The following PCCA variants were observed in gnomAD, a reference collection of about 807,000 sequenced individuals.
PCCA encodes propionyl-CoA carboxylase subunit alpha, also known as propionyl-CoA carboxylase alpha chain, mitochondrial.
PCCA carries 74 observed loss-of-function variants against 101.3 expected under a neutral mutation model. The observed-to-expected ratio is 0.73, with a 90% CI of 0.61 to 0.89. The LOEUF (loss-of-function observed/expected upper bound fraction) is 0.89. Ranked by LOEUF, PCCA falls within the 40% of genes least tolerant of loss-of-function variation. The probability of loss-of-function intolerance (pLI) is 0.00; values close to 1 mark genes in which losing one functional copy is unlikely to be tolerated. For synonymous variants in PCCA, 294 were observed against 313.6 expected (o/e 0.94, Z 0.66); for missense variants, 891 against 907.0 (o/e 0.98, Z 0.23).
At chr13:100,263,840 A>G (rs2062700600) in intron 10 of PCCA, among the ~76,000 whole-genome samples, 1 of 115,570 alleles carries the variant, frequency 8.7e-6, no homozygotes, top group Admixed American at 8.9e-5. Context: ...GTATCTGTAT[A>G]TCGTATATAT....
intron 12 of PCCA, among the ~76,000 whole-genome samples, chr13:100,296,942 C>T (rs182107101): frequency 1.3e-5 from 2 of 152,146 alleles, no homozygotes; most frequent in African/African-American, 4.8e-5. Context: ...GTTGTTGTAT[C>T]TCTTTATTCT....
At chr13:100,418,025 G>A (rs1001771878) in intron 19 of PCCA, among the ~76,000 whole-genome samples, 5 of 152,094 alleles carry the variant, frequency 3.3e-5, no homozygotes, top group African/African-American at 1.2e-4. Flanking sequence ...AAGACCAGCA[G>A]CCAGTTCCTG....
At chr13:100,285,018 A>G (rs116301368) in intron 12 of PCCA, among the ~76,000 whole-genome samples, 2,601 of 152,320 alleles carry the variant, frequency 0.017, 91 homozygotes, top group African/African-American at 0.059. Flanking sequence ...CAAGGTGTCT[A>G]GGTCGAAGGC....
intron 16 of PCCA, among the ~76,000 whole-genome samples, chr13:100,326,250 G>A (rs1276861676): frequency 3.3e-5 from 5 of 152,068 alleles, no homozygotes; most frequent in East Asian, 1.9e-4. Flanking sequence ...TTTAAGGTAC[G>A]GATCTTAGAG....
At chr13:100,184,040 C>T (rs528017646) in intron 6 of PCCA, among the ~76,000 whole-genome samples, 4 of 152,192 alleles carry the variant, frequency 2.6e-5, no homozygotes, top group South Asian at 4.2e-4. Flanking sequence ...AATTGGCTCA[C>T]GATTCTACAG....
At chr13:100,450,762 T>C (rs2152927027) in intron 21 of PCCA, among the ~76,000 whole-genome samples, 1 of 152,346 alleles carries the variant, frequency 6.6e-6, no homozygotes, top group East Asian at 1.9e-4. Context: ...TATGTATAGG[T>C]ACTTGGTCAA....
intron 21 of PCCA, among the ~76,000 whole-genome samples, chr13:100,500,896 C>T (rs1427597999): frequency 6.6e-6 from 1 of 152,240 alleles, no homozygotes; most frequent in Non-Finnish European, 1.5e-5. Flanking sequence ...GTAATCCCAG[C>T]ACTTTGGGAG....
At chr13:100,272,041 T>C (rs1235653187) in intron 11 of PCCA, among the ~76,000 whole-genome samples, 1 of 152,256 alleles carries the variant, frequency 6.6e-6, no homozygotes, top group Non-Finnish European at 1.5e-5. Context: ...ATGTTTTGTT[T>C]CTCAGAGCCT....
At chr13:100,309,792 A>AATATATAT in intron 15 of PCCA, 41 bp from the exon 16 acceptor site, 1 of 1,187,816 alleles carries the variant, frequency 8.4e-7, no homozygotes, top group Non-Finnish European at 1.2e-6. Flanking sequence ...CATAGTTCTA[A>AATATATAT]ATATATATAT....
chr13:100,116,713 A>G (rs967875388), intron 4 of PCCA, among the ~76,000 whole-genome samples: 1 of 152,158 alleles, frequency 6.6e-6, no homozygotes, highest in Non-Finnish European at 1.5e-5. Context: ...GTAAATATCT[A>G]GGAGTGGAGT....
At chr13:100,425,033 C>T (rs987195617) in intron 19 of PCCA, among the ~76,000 whole-genome samples, 1 of 151,738 alleles carries the variant, frequency 6.6e-6, no homozygotes, top group African/African-American at 2.4e-5. Context: ...ACGAGTATCC[C>T]TGTTTTGAAA....
rs2066766926 is a variant in PCCA at position 100,309,846 on chromosome 13, G to T, written c.1367G>T (p.Gly456Val). The T allele has an allele frequency of 6.2e-7, 1 of 1,611,276 alleles. No homozygotes were observed. Among genetic ancestry groups the T allele is most frequent in the Non-Finnish European group, 8.5e-7 (1 of 1,177,846 alleles). ...DPMISKLITY[G>V]SDRTEALKRM... ...GCTTGTTTTTAGCTAATCACATATG[G>T]CTCTGATAGAACTGAGGCACTGAAG... is the stretch of plus-strand genomic sequence containing the variant. The change falls in exon 16 of 24, where the codon GGC becomes GTC. Residue 456 changes from glycine (G) to valine (V), a missense_variant. Physicochemically the swap from Gly to Val is moderately radical, Grantham distance 109. Transcript: ENST00000376285.
chr13:100,422,135 CTTTTT>C (rs1232975466), intron 19 of PCCA, among the ~76,000 whole-genome samples: 1 of 68,780 alleles, frequency 1.5e-5, no homozygotes, highest in Admixed American at 1.5e-4. Flanking sequence ...TTCTTTCTTT[CTTTTT>C]TTTTTTTTTT....
intron 7 of PCCA, among the ~76,000 whole-genome samples, chr13:100,215,134 G>A (rs1482484105): frequency 6.6e-6 from 1 of 152,124 alleles, no homozygotes; most frequent in African/African-American, 2.4e-5. Context: ...CATTGTTTAG[G>A]TCTTGGCTTA....
At chr13:100,383,921 C>T (rs1356179900) in intron 19 of PCCA, among the ~76,000 whole-genome samples, 7 of 152,150 alleles carry the variant, frequency 4.6e-5, no homozygotes, top group Non-Finnish European at 1.0e-4. Flanking sequence ...TATAACTCAC[C>T]CTTTTTCCTT....
rs574907306 is a variant in PCCA at position 100,184,802 on chromosome 13, CAT to C, written c.469-24528_469-24527del. On this transcript the variant is annotated intron_variant, in intron 6 of 23. Coordinates refer to ENST00000376285, the MANE Select transcript of PCCA (RefSeq NM_000282.4). ...TTGATTTTTTTCAACTATTTAAAAA[CAT>C]AAAAAACCTTTCTTAGCTCATAGAC... Among the ~76,000 whole-genome samples the C allele has an allele frequency of 1.5e-4, 23 of 152,246 alleles. No individual in the cohort carries two copies. In the East Asian group the frequency reaches 4.4e-3, roughly 29 times the overall value.
At chr13:100,321,370 T>C (rs749825661) in intron 16 of PCCA, among the ~76,000 whole-genome samples, 3 of 152,228 alleles carry the variant, frequency 2.0e-5, no homozygotes, top group Non-Finnish European at 2.9e-5. Context: ...CAGTTGCTTT[T>C]CACTTTCATC....
At chr13:100,233,754 T>G (rs1048129500) in intron 7 of PCCA, among the ~76,000 whole-genome samples, 16 of 152,224 alleles carry the variant, frequency 1.1e-4, no homozygotes, top group African/African-American at 3.9e-4. Flanking sequence ...TTGATTTTAT[T>G]TGAAAGTTCA....
chr13:100,504,665 C>A (rs1319910386), intron 21 of PCCA, among the ~76,000 whole-genome samples: 1 of 152,074 alleles, frequency 6.6e-6, no homozygotes, highest in African/African-American at 2.4e-5. Context: ...GGCCGGGCAC[C>A]GTGGCTCACA....
Sources: gnomAD v4.1 joint callset for allele counts (sites outside exome capture counted in the v4.1 genomes callset) on GRCh38, gnomAD v4.1.1 for gene constraint, MANE v1.5 for transcripts, NCBI Gene and HGNC (gene_info 2026-07-23, HGNC 2026-07-21) for gene names.